HSPBAP1: variants seen among roughly 807,000 people sequenced by gnomAD.
HSPBAP1 encodes the protein HSPB1-associated protein 1.
A neutral mutation model predicts 45.2 loss-of-function variants in HSPBAP1; 27 were observed. The ratio of observed to expected loss-of-function variants is 0.60; its 90% CI spans 0.44 to 0.82. The LOEUF (loss-of-function observed/expected upper bound fraction) is 0.82. HSPBAP1 is among the 40% of genes least tolerant of loss of function. The pLI, the probability that HSPBAP1 is intolerant of heterozygous loss-of-function variation, is 0.00. For missense variants in HSPBAP1, 510 were observed against 590.9 expected (o/e 0.86, Z 1.42); for synonymous variants, 204 against 202.7 (o/e 1.01, Z -0.06).
At chr3:122,752,386 G>A (rs1934184539) in intron 6 of HSPBAP1, among the ~76,000 whole-genome samples, 1 of 151,984 alleles carries the variant, frequency 6.6e-6, no homozygotes, top group Admixed American at 6.6e-5. Context: ...GAAAGAGAGT[G>A]GCACACCACT....
chr3:122,746,762 C>G (rs1933876119), intron 6 of HSPBAP1, among the ~76,000 whole-genome samples: 1 of 152,102 alleles, frequency 6.6e-6, no homozygotes, highest in South Asian at 2.1e-4. Flanking sequence ...GCCTGATTCT[C>G]CTGCCTCGGC....
At chr3:122,772,169 A>G (rs1315544456) in intron 2 of HSPBAP1, among the ~76,000 whole-genome samples, 1 of 152,204 alleles carries the variant, frequency 6.6e-6, no homozygotes, top group Admixed American at 6.5e-5. Context: ...AATAGACTTG[A>G]TAAGTAAAGA....
At chr3:122,746,881 C>G (rs1439893003) in intron 6 of HSPBAP1, among the ~76,000 whole-genome samples, 1 of 152,106 alleles carries the variant, frequency 6.6e-6, no homozygotes. Flanking sequence ...TCTCCAGCTC[C>G]TAACCGCGAG....
intron 5 of HSPBAP1, chr3:122,754,928 A>G: frequency 9.8e-7 from 1 of 1,024,752 alleles, no homozygotes; most frequent in Non-Finnish European, 1.2e-6. Context: ...TAAATGTTCC[A>G]GAGATGCTCG....
intron 3 of HSPBAP1, among the ~76,000 whole-genome samples, chr3:122,760,914 T>C (rs984111273): frequency 4.6e-5 from 7 of 152,112 alleles, no homozygotes; most frequent in African/African-American, 1.4e-4. Context: ...GTGCTGGGGA[T>C]ACAAAAATTA....
chr3:122,746,706 G>GCTGGACTGTACTGCTGCCGAGCCA (rs1933873531), intron 6 of HSPBAP1, among the ~76,000 whole-genome samples: 2 of 151,290 alleles, frequency 1.3e-5, no homozygotes, highest in Admixed American at 1.3e-4. Flanking sequence ...ATGCCGAGCC[G>GCTGGACTGTACTGCTGCCGAGCCA]AAGCTGGACT....
intron 4 of HSPBAP1, among the ~76,000 whole-genome samples, chr3:122,756,389 A>T (rs1205739991): frequency 6.6e-6 from 1 of 152,208 alleles, no homozygotes; most frequent in Non-Finnish European, 1.5e-5. Context: ...ACTCTTCAGT[A>T]AACATTTACA....
rs576140797 is a variant in HSPBAP1 at position 122,786,802 on chromosome 3, C to T, written c.64+6815G>A. ...CCATAACAGGAAATTAGCATATTTACAGAATTTCAGGCCCATCGTGAAATA... is the reference window on the plus strand; with the variant it reads ...CCATAACAGGAAATTAGCATATTTATAGAATTTCAGGCCCATCGTGAAATA... On this transcript the variant is annotated intron_variant, in intron 1 of 7. Transcript: ENST00000306103. Among the ~76,000 whole-genome samples, 6 of 152,278 alleles carry T rather than the reference C, an allele frequency of 3.9e-5. No homozygotes were observed. The East Asian group carries it at 1.2e-3, about 29-fold the overall frequency.
chr3:122,786,354 G>A (rs555564347), intron 1 of HSPBAP1: 1 of 152,274 alleles, frequency 6.6e-6, no homozygotes, highest in African/African-American at 2.4e-5. Flanking sequence ...TTAAAGGGCA[G>A]AGAAAAACAG....
At chr3:122,756,510 T>C (rs1256438359) in intron 4 of HSPBAP1, among the ~76,000 whole-genome samples, 3 of 151,886 alleles carry the variant, frequency 2.0e-5, no homozygotes, top group Admixed American at 6.6e-5. Flanking sequence ...CTGGGAAACA[T>C]AGCAATACCT....
At chr3:122,758,792 G>A (rs779039680) in intron 4 of HSPBAP1, 6 of 454,734 alleles carry the variant, frequency 1.3e-5, no homozygotes, top group South Asian at 9.3e-5. Flanking sequence ...AGATACTTGA[G>A]AGGCTGCGGC....
chr3:122,751,401 TA>T (rs1378955480), intron 6 of HSPBAP1, among the ~76,000 whole-genome samples: 2 of 152,168 alleles, frequency 1.3e-5, no homozygotes, highest in African/African-American at 4.8e-5. Context: ...CTAACAAAGG[TA>T]ACCTGTATCT....
chr3:122,766,781 T>C (rs1016385456), intron 3 of HSPBAP1, among the ~76,000 whole-genome samples: 2 of 152,274 alleles, frequency 1.3e-5, no homozygotes, highest in African/African-American at 4.8e-5. Context: ...CCCTTCCTTG[T>C]TGTATAATCT....
intron 6 of HSPBAP1, among the ~76,000 whole-genome samples, chr3:122,744,912 T>C (rs1450094285): frequency 6.6e-6 from 1 of 152,002 alleles, no homozygotes; most frequent in Non-Finnish European, 1.5e-5. Flanking sequence ...TGATATAATT[T>C]ATTGCAATAT....
chr3:122,767,329 G>A (rs899707822), intron 3 of HSPBAP1, among the ~76,000 whole-genome samples: 1 of 152,096 alleles, frequency 6.6e-6, no homozygotes, highest in African/African-American at 2.4e-5. Flanking sequence ...ACTTAAAGTC[G>A]GGAATTTGAG....
intron 1 of HSPBAP1, among the ~76,000 whole-genome samples, chr3:122,779,298 C>T (rs1935320162): frequency 6.6e-6 from 1 of 151,590 alleles, no homozygotes; most frequent in Admixed American, 6.6e-5. Flanking sequence ...GCCTCGACCT[C>T]CCGTAGTGCT....
At chr3:122,774,142 A>G (rs1935107504) in intron 2 of HSPBAP1, among the ~76,000 whole-genome samples, 1 of 152,346 alleles carries the variant, frequency 6.6e-6, no homozygotes, top group Non-Finnish European at 1.5e-5. Context: ...TTGCCCTCAC[A>G]GAAGTGACCT....
intron 6 of HSPBAP1, among the ~76,000 whole-genome samples, chr3:122,748,054 T>G (rs965255414): frequency 6.6e-6 from 1 of 152,248 alleles, no homozygotes; most frequent in South Asian, 2.1e-4. Context: ...TTCTTCGGCC[T>G]TGGGATCCTG....
At chr3:122,750,503 A>G (rs1934091767) in intron 6 of HSPBAP1, among the ~76,000 whole-genome samples, 1 of 143,656 alleles carries the variant, frequency 7.0e-6, no homozygotes, top group African/African-American at 2.6e-5. Context: ...AATTAGAAAT[A>G]TAAATACATC....
Sources: gnomAD v4.1 joint callset for allele counts (sites outside exome capture counted in the v4.1 genomes callset) on GRCh38, gnomAD v4.1.1 for gene constraint, MANE v1.5 for transcripts, NCBI Gene and HGNC (gene_info 2026-07-23, HGNC 2026-07-21) for gene names.